Variants in CWF19L2 observed in about 807,000 individuals in gnomAD.
CWF19L2 encodes the protein CWF19-like protein 2.
Under a neutral mutation model 111.7 loss-of-function variants are expected in CWF19L2, and 98 were observed. The ratio of observed to expected loss-of-function variants is 0.88; its 90% CI spans 0.75 to 1.04. CWF19L2 has a LOEUF of 1.04. Ranked by LOEUF, CWF19L2 falls within the 50% of genes least tolerant of loss-of-function variation. CWF19L2 has a pLI of 0.00. For synonymous variants in CWF19L2, 351 were observed against 342.9 expected, an observed-to-expected ratio of 1.02 and a Z score of -0.26; for missense variants, 1,101 against 1,051.4, an observed-to-expected ratio of 1.05 and a Z score of -0.65.
intron 16 of CWF19L2, among the ~76,000 whole-genome samples, chr11:107,333,082 T>C (rs1859872974): frequency 1.0e-5 from 1 of 96,402 alleles, no homozygotes; most frequent in Non-Finnish European, 2.1e-5. Context: ...AGAGCTAGAC[T>C]CTGTCTAAAA....
intron 14 of CWF19L2, among the ~76,000 whole-genome samples, chr11:107,346,790 T>C (rs1241158594): frequency 6.6e-6 from 1 of 152,196 alleles, no homozygotes; most frequent in Non-Finnish European, 1.5e-5. Context: ...CCGTACATGT[T>C]CAACACTGCC....
At chr11:107,442,131 G>A (rs1242269111) in intron 4 of CWF19L2, among the ~76,000 whole-genome samples, 2 of 152,150 alleles carry the variant, frequency 1.3e-5, no homozygotes, top group African/African-American at 4.8e-5. Context: ...TAAGGCTTTA[G>A]GGACATAAGG....
intron 3 of CWF19L2, among the ~76,000 whole-genome samples, chr11:107,450,562 T>A (rs1294073617): frequency 7.3e-5 from 11 of 150,356 alleles, no homozygotes; most frequent in African/African-American, 2.5e-4. Flanking sequence ...AATCAATCAA[T>A]CAATAAAATA....
intron 3 of CWF19L2, among the ~76,000 whole-genome samples, chr11:107,447,950 T>C (rs1367185926): frequency 1.3e-5 from 2 of 151,802 alleles, no homozygotes; most frequent in Non-Finnish European, 2.9e-5. Context: ...TGAAAAACAT[T>C]AGAAAGATCC....
chr11:107,454,663 T>C, intron 2 of CWF19L2, 91 bp from the exon 3 acceptor site: 1 of 922,730 alleles, frequency 1.1e-6, no homozygotes, highest in East Asian at 3.3e-5. Flanking sequence ...AACCACATTC[T>C]AAAAAACTTT....
intron 12 of CWF19L2, among the ~76,000 whole-genome samples, chr11:107,357,083 G>A (rs932044030): frequency 6.9e-5 from 8 of 115,358 alleles, no homozygotes; most frequent in African/African-American, 1.0e-4. Flanking sequence ...ACAAAAAACC[G>A]AGACTAACAG....
chr11:107,341,843 A>G (rs1342963266), intron 14 of CWF19L2, among the ~76,000 whole-genome samples: 2 of 152,142 alleles, frequency 1.3e-5, no homozygotes, highest in Admixed American at 1.3e-4. Flanking sequence ...GAACTGGTCC[A>G]TTACATCCAG....
At position 107,378,176 on chromosome 11, in the gene CWF19L2, C is replaced by A. The variant is rs374169097; in HGVS notation, c.1872+11898G>T. Among the ~76,000 whole-genome samples, 113 of 149,952 alleles carry A rather than the reference C, an allele frequency of 7.5e-4. No homozygotes were observed. In the East Asian group the frequency reaches 0.014, roughly 19 times the overall value. ...ACTTTTACACTGTTGGTGGGACTGT[C>A]AACTAGTTCAACCATTGTGGAAGTC... On this transcript the variant is annotated intron_variant, in intron 12 of 17. Transcript: ENST00000282251.
Position 107,390,192 on chromosome 11 carries a change from C to A in CWF19L2, c.1754G>T (p.Arg585Ile), listed in dbSNP as rs1398824022. Residue 585 changes from arginine to isoleucine, a missense_variant, in exon 12 of 18, where the codon AGA becomes ATA. Coordinates refer to ENST00000282251, the MANE Select transcript of CWF19L2 (RefSeq NM_152434.3). ...ATCATGAAAGTATCTGACCCTTTCT[C>A]TTTCCTCATGGGTTGAAACCTATGA... ...KRQMVSTHEERERVRYFHDDD... is the reference protein window; with the variant it reads ...KRQMVSTHEEIERVRYFHDDD... The A allele has an allele frequency of 5.0e-6, 8 of 1,609,040 alleles. No homozygotes were observed. Among genetic ancestry groups the A allele is most frequent in the Non-Finnish European group, 6.8e-6 (8 of 1,177,486 alleles).
chr11:107,327,651 CTGAT>C (rs1367934130), intron 17 of CWF19L2, among the ~76,000 whole-genome samples: 1 of 152,038 alleles, frequency 6.6e-6, no homozygotes, highest in Non-Finnish European at 1.5e-5. Flanking sequence ...TTTTGGTTAT[CTGAT>C]TATTATTCTT....
At chr11:107,442,907 A>C (rs1263808846) in intron 4 of CWF19L2, 32 bp downstream of exon 4, 10 of 1,362,364 alleles carry the variant, frequency 7.3e-6, no homozygotes, top group Non-Finnish European at 1.0e-5. Flanking sequence ...GAAGGAAGAA[A>C]GCAAGGAAGG....
Position 107,353,677 on chromosome 11 carries a change from T to C in CWF19L2, c.1932A>G (p.Ala644=). ...YTLDDMFVSK[A]AERERLGEEE... The stretch of plus-strand genomic sequence containing the variant: ...CTTCACCAAGACGTTCTCTCTCAGC[T>C]GCTTTGGAGACAAACATGTCATCCA... Residue 644 remains alanine, a synonymous_variant, in exon 13 of 18, where the codon GCA becomes GCG. Transcript: ENST00000282251. 1 of 1,613,834 alleles carries C rather than the reference T, an allele frequency of 6.2e-7. No individual in the cohort carries two copies. The highest frequency in any genetic ancestry group is 8.5e-7 in the Non-Finnish European group (1 of 1,179,780).
At chr11:107,349,198 T>C (rs568824652) in intron 13 of CWF19L2, 145 bp from the exon 14 acceptor site, 35 of 387,478 alleles carry the variant, frequency 9.0e-5, no homozygotes, top group African/African-American at 3.7e-4. Flanking sequence ...TACTTAAGAA[T>C]TGCTTTTGCA....
Position 107,326,837 on chromosome 11 carries a change from G to A in CWF19L2, c.*73C>T. 2 of 1,328,178 alleles carry A rather than the reference G, an allele frequency of 1.5e-6. No individual in the cohort carries two copies. Among genetic ancestry groups the A allele is most frequent in the South Asian group, 3.0e-5 (2 of 67,282 alleles). 82.3% of individuals were successfully genotyped at this position (1,328,178 alleles called of 1,614,324 possible). On this transcript the variant is annotated 3_prime_UTR_variant, in exon 18 of 18. Coordinates refer to ENST00000282251, the MANE Select transcript of CWF19L2 (RefSeq NM_152434.3). ...CTCTCTGCCTGTGACCTGAGGGTCA[G>A]TTGCTTCATTAGATGCAATGGAAAT...
intron 3 of CWF19L2, among the ~76,000 whole-genome samples, chr11:107,449,575 AAAT>A (rs1204914607): frequency 6.6e-6 from 1 of 152,122 alleles, no homozygotes; most frequent in East Asian, 1.9e-4. Flanking sequence ...CAATAGCAAA[AAAT>A]ATGGTAGGAG....
In CWF19L2 at chr11:107,326,985, C is replaced by T. The variant is rs756706198; in HGVS notation, c.2610G>A (p.Glu870=). The T allele has an allele frequency of 1.6e-5, 26 of 1,611,952 alleles. No homozygotes were observed. In the Admixed American group the frequency reaches 4.2e-4, roughly 26 times the overall value. ...LWRKGIRESF[E]DQRKKALQFA... ...ACTGCAGTGCTTTTTTCCTCTGATCCTCAAAGCTTTCTCGGATGCCTTTCC... is the reference window on the plus strand; with the variant it reads ...ACTGCAGTGCTTTTTTCCTCTGATCTTCAAAGCTTTCTCGGATGCCTTTCC... The change falls in exon 18 of 18, where the codon GAG becomes GAA. Residue 870 remains glutamate, a synonymous_variant. Transcript: ENST00000282251.
Position 107,392,875 on chromosome 11 carries a change from T to C in CWF19L2, c.1638A>G (p.Val546=), listed in dbSNP as rs768040383. ...SGVENEDQQE[V]ILVRTDQSGR... is the part of the protein sequence containing the mutation. ...CAGACTGATCTGTTCTGACAAGGAT[T>C]ACTTCTTGCTGGTCTTCATTCTATA... The change falls in exon 11 of 18, where the codon GTA becomes GTG. Residue 546 remains valine (V), a synonymous_variant. Transcript: ENST00000282251. 1 of 1,567,542 alleles carries C rather than the reference T, an allele frequency of 6.4e-7. No homozygotes were observed. The highest frequency in any genetic ancestry group is 8.6e-7 in the Non-Finnish European group (1 of 1,163,940).
Position 107,326,889 on chromosome 11 carries a change from T to G in CWF19L2, c.*21A>C. 6.4e-7 allele frequency: 1 copy of G among 1,558,956 alleles called. No individual in the cohort carries two copies. Among genetic ancestry groups the G allele is most frequent in the African/African-American group, 1.4e-5 (1 of 71,634 alleles). ...AAACTGAACGGGATCTGAAGAAAAA[T>G]TTTAAAATGGAAGGTACACCTCAAT... On this transcript the variant is annotated 3_prime_UTR_variant, in exon 18 of 18. Transcript: ENST00000282251.
At chr11:107,445,600 G>A (rs112503061) in intron 3 of CWF19L2, among the ~76,000 whole-genome samples, 729 of 49,232 alleles carry the variant, frequency 0.015, 4 homozygotes, top group African/African-American at 0.032. Flanking sequence ...GCAAAACTCC[G>A]CCTTAAAAAA....
Sources: allele counts gnomAD v4.1 joint callset (sites outside exome capture counted in the v4.1 genomes callset), GRCh38; gene constraint gnomAD v4.1.1; transcripts MANE v1.5; gene names NCBI Gene and HGNC (gene_info 2026-07-23, HGNC 2026-07-21).